The following ZHX2 variants were observed in gnomAD, a reference collection of about 807,000 sequenced individuals.
ZHX2 encodes the protein zinc fingers and homeoboxes protein 2.
Under a neutral mutation model 21.9 loss-of-function variants are expected in ZHX2, and 6 were observed. The observed-to-expected ratio is 0.27, with a 90% confidence interval of 0.15 to 0.54. ZHX2 has a LOEUF of 0.54. Among genes scored for constraint, ZHX2 ranks in the 20% least tolerant of loss-of-function variants. The pLI is 0.95. For missense variants in ZHX2, 908 were observed against 1,090.7 expected (o/e 0.83, Z 2.36); for synonymous variants, 434 against 437.1 (o/e 0.99, Z 0.09).
intron 2 of ZHX2, among the ~76,000 whole-genome samples, chr8:122,883,245 T>C (rs1819758507): frequency 6.6e-6 from 1 of 152,126 alleles, no homozygotes; most frequent in South Asian, 2.1e-4. Context: ...CTGTTCCCTA[T>C]GTGTGCAATG....
At chr8:122,785,611 G>A (rs1163056055) in intron 1 of ZHX2, among the ~76,000 whole-genome samples, 1 of 152,230 alleles carries the variant, frequency 6.6e-6, no homozygotes, top group African/African-American at 2.4e-5. Flanking sequence ...ACTACTGCCA[G>A]GGAAGAGCAG....
intron 3 of ZHX2, among the ~76,000 whole-genome samples, chr8:122,957,296 C>CA (rs34314877): frequency 0.45 from 49,893 of 110,334 alleles, 10,107 homozygotes; most frequent in East Asian, 0.59. Context: ...GCTGTGTTCA[C>CA]AAAAAAAAAA....
intron 1 of ZHX2, among the ~76,000 whole-genome samples, chr8:122,855,220 T>C (rs1022216967): frequency 9.2e-5 from 14 of 152,144 alleles, no homozygotes; most frequent in Admixed American, 2.0e-4. Context: ...ATTAAATGGG[T>C]GATGCATGTA....
At chr8:122,829,990 C>T (rs1818337824) in intron 1 of ZHX2, among the ~76,000 whole-genome samples, 2 of 152,156 alleles carry the variant, frequency 1.3e-5, no homozygotes, top group Non-Finnish European at 2.9e-5. Flanking sequence ...ATTGTCAGAG[C>T]TATTTGAACC....
At chr8:122,881,166 C>G (rs1417007816) in intron 2 of ZHX2, among the ~76,000 whole-genome samples, 1 of 152,198 alleles carries the variant, frequency 6.6e-6, no homozygotes, top group African/African-American at 2.4e-5. Context: ...CACTCGGGCC[C>G]TCCTCCCTCA....
chr8:122,971,058 C>T (rs1055866963), intron 3 of ZHX2, among the ~76,000 whole-genome samples: 1 of 152,206 alleles, frequency 6.6e-6, no homozygotes, highest in Non-Finnish European at 1.5e-5. Flanking sequence ...TTAAGCACAA[C>T]ATTTAATCTC....
chr8:122,833,454 G>A (rs139186591), intron 1 of ZHX2, among the ~76,000 whole-genome samples: 2 of 152,116 alleles, frequency 1.3e-5, no homozygotes, highest in Non-Finnish European at 2.9e-5. Flanking sequence ...AATGCGGACG[G>A]GGGTGTGGTG....
chr8:122,948,878 A>G (rs558730010), intron 2 of ZHX2, among the ~76,000 whole-genome samples: 18 of 152,358 alleles, frequency 1.2e-4, no homozygotes, highest in African/African-American at 4.3e-4. Context: ...ATGTAGATTA[A>G]TATATTTCAG....
At chr8:122,836,672 C>G (rs548652476) in intron 1 of ZHX2, among the ~76,000 whole-genome samples, 13 of 152,342 alleles carry the variant, frequency 8.5e-5, no homozygotes, top group African/African-American at 3.1e-4. Context: ...TACGTTGTAC[C>G]TGGATGGCCT....
chr8:122,920,398 T>C (rs1820709813), intron 2 of ZHX2, among the ~76,000 whole-genome samples: 1 of 152,196 alleles, frequency 6.6e-6, no homozygotes, highest in Admixed American at 6.5e-5. Flanking sequence ...AATTAAGATA[T>C]AATTTACATA....
intron 2 of ZHX2, among the ~76,000 whole-genome samples, chr8:122,929,029 C>T (rs890142970): frequency 3.3e-5 from 5 of 152,152 alleles, no homozygotes; most frequent in Admixed American, 6.5e-5. Context: ...TTTCTTCAAT[C>T]AATATTATTT....
chr8:122,835,635 G>A (rs920480652), intron 1 of ZHX2, among the ~76,000 whole-genome samples: 1 of 152,172 alleles, frequency 6.6e-6, no homozygotes, highest in Non-Finnish European at 1.5e-5. Flanking sequence ...GCTGGGAGGG[G>A]TGGACAGCAG....
At chr8:122,931,235 G>C (rs1820984491) in intron 2 of ZHX2, among the ~76,000 whole-genome samples, 1 of 152,192 alleles carries the variant, frequency 6.6e-6, no homozygotes, top group Non-Finnish European at 1.5e-5. Context: ...TCCACGCCTG[G>C]CGCCTCCAGG....
At chr8:122,797,613 T>TGACA (rs1476684395) in intron 1 of ZHX2, among the ~76,000 whole-genome samples, 2 of 107,470 alleles carry the variant, frequency 1.9e-5, no homozygotes, top group Admixed American at 9.8e-5. Flanking sequence ...AGAAGCTTCC[T>TGACA]GACACTTAGT....
intron 2 of ZHX2, among the ~76,000 whole-genome samples, chr8:122,931,829 A>T (rs539999247): frequency 6.6e-6 from 1 of 152,270 alleles, no homozygotes; most frequent in Admixed American, 6.5e-5. Flanking sequence ...AATGAATGGG[A>T]GAAGGAAATG....
In ZHX2 at chr8:122,825,296, A is replaced by AC. The variant is rs562629086; in HGVS notation, c.-282-38180dup. ...GTGCCCCATTGTCACAGTACTTGTC[A>AC]CATTGCTTTATAGCTGGCTTAGTGC... On this transcript the variant is annotated intron_variant, in intron 1 of 3. Coordinates refer to ENST00000314393, the MANE Select transcript of ZHX2 (RefSeq NM_014943.5). Among the ~76,000 whole-genome samples, 817 of 152,262 alleles carry AC rather than the reference A, an allele frequency of 5.4e-3. 6 individuals carry two copies. Among genetic ancestry groups the AC allele is most frequent in the Middle Eastern group, 0.017 (5 of 294 alleles).
At position 122,937,933 on chromosome 8, in the gene ZHX2, G is replaced by GTT. The variant is rs71310636; in HGVS notation, c.-219-13339_-219-13338dup. Among the ~76,000 whole-genome samples the GTT allele has an allele frequency of 8.6e-3, 629 of 73,332 alleles. 81 individuals carry two copies. Among genetic ancestry groups the GTT allele is most frequent in the African/African-American group, 0.025 (437 of 17,528 alleles). The allele number at this position is 73,332 out of a possible 152,430, so 48.1% of individuals were successfully genotyped here. ...ATTATGTTTCCTGGTTTTCTTTTTG[G>GTT]TTTTTTTTTTTTTTTTTTTTTGAGA... On this transcript the variant is annotated intron_variant, in intron 2 of 3. Transcript: ENST00000314393.
chr8:122,961,617 CCTT>C (rs1194512310), intron 3 of ZHX2, among the ~76,000 whole-genome samples: 2 of 152,136 alleles, frequency 1.3e-5, no homozygotes, highest in Non-Finnish European at 2.9e-5. Flanking sequence ...AAGCAAGGCA[CCTT>C]CTTCACAAGG....
rs777693238 is a variant in ZHX2, at chr8:122,951,560, A to G, written c.50A>G (p.Gln17Arg). ...STTPCMVRTSQVVEQDVPEEV... is the reference protein window; with the variant it reads ...STTPCMVRTSRVVEQDVPEEV... ...ACTCCATGCATGGTTCGGACATCAC[A>G]AGTAGTAGAACAAGATGTGCCCGAG... The change falls in exon 3 of 4, where the codon CAA (glutamine) becomes CGA (arginine). Residue 17 changes from glutamine to arginine, a missense_variant. Transcript: ENST00000314393. 1.5e-5 allele frequency: 24 copies of G among 1,613,702 alleles called. No homozygotes were observed. Among genetic ancestry groups the G allele is most frequent in the South Asian group, 1.2e-4 (11 of 90,976 alleles).
Sources: allele counts gnomAD v4.1 joint callset (sites outside exome capture counted in the v4.1 genomes callset), GRCh38; gene constraint gnomAD v4.1.1; transcripts MANE v1.5; gene names NCBI Gene and HGNC (gene_info 2026-07-23, HGNC 2026-07-21).